GABRG1: variants seen among roughly 807,000 people sequenced by gnomAD.
GABRG1 encodes the protein gamma-aminobutyric acid receptor subunit gamma-1.
In GABRG1, 49 loss-of-function variants were observed where a neutral mutation model predicts 49.8. The observed-to-expected ratio is 0.98, with a 90% confidence interval of 0.78 to 1.25. The LOEUF (loss-of-function observed/expected upper bound fraction) is 1.25, where lower values mean the gene tolerates loss of function less well. GABRG1 is among the 50% of genes most tolerant of loss of function. The pLI, the probability that GABRG1 is intolerant of heterozygous loss-of-function variation, is 0.00. For synonymous variants in GABRG1, 232 were observed against 185.1 expected (o/e 1.25, Z -2.06); for missense variants, 552 against 552.3 (o/e 1.00, Z 0.01).
chr4:46,065,668 A>G (rs1718888377), intron 3 of GABRG1, 84 bp from the exon 4 acceptor site: 2 of 663,328 alleles, frequency 3.0e-6, no homozygotes, highest in African/African-American at 3.7e-5. Context: ...TTGTATTGTA[A>G]AGTTTCTGCA....
intron 5 of GABRG1, among the ~76,000 whole-genome samples, chr4:46,062,164 A>C (rs1380860611): frequency 6.6e-6 from 1 of 151,550 alleles, no homozygotes; most frequent in Non-Finnish European, 1.5e-5. Context: ...ACTGAGAATG[A>C]TGATTTCCAA....
chr4:46,112,518 A>T (rs1165364755), intron 1 of GABRG1, among the ~76,000 whole-genome samples: 1 of 151,268 alleles, frequency 6.6e-6, no homozygotes. Context: ...AATTCTACCA[A>T]AAAGACACAT....
chr4:46,084,379 G>A (rs555798715), intron 2 of GABRG1, among the ~76,000 whole-genome samples: 1 of 151,458 alleles, frequency 6.6e-6, no homozygotes, highest in African/African-American at 2.4e-5. Flanking sequence ...TTTCCTATAT[G>A]ACCGAGTACT....
intron 3 of GABRG1, among the ~76,000 whole-genome samples, chr4:46,075,295 CA>C (rs1719285550): frequency 6.6e-6 from 1 of 151,968 alleles, no homozygotes; most frequent in Non-Finnish European, 1.5e-5. Flanking sequence ...TAAGCACTTT[CA>C]AAATTCTTTT....
chr4:46,058,231 G>C lies in GABRG1; in HGVS notation c.902C>G (p.Ala301Gly). ...ACATGTCATACCCAACGATGTTCTT[G>C]CAGGCACTGCATCTTTATTGATCCA... ...SFWINKDAVP[A>G]RTSLGITTVL... The change falls in exon 7 of 9, where the codon GCA becomes GGA. Residue 301 changes from alanine (A) to glycine (G), a missense_variant. By Grantham distance (60) the Ala-to-Gly change is moderately conservative (BLOSUM62 0). Transcript: ENST00000295452. 1 of 1,611,744 alleles carries C rather than the reference G, an allele frequency of 6.2e-7. No homozygotes were observed. Among genetic ancestry groups the C allele is most frequent in the Non-Finnish European group, 8.5e-7 (1 of 1,179,044 alleles).
intron 5 of GABRG1, among the ~76,000 whole-genome samples, chr4:46,062,403 G>T (rs533606543): frequency 1.8e-4 from 28 of 152,228 alleles, no homozygotes; most frequent in African/African-American, 6.5e-4. Flanking sequence ...TAATGGGAAG[G>T]CTGGGTCAAA....
intron 1 of GABRG1, among the ~76,000 whole-genome samples, chr4:46,121,363 A>G (rs543739004): frequency 2.2e-4 from 33 of 152,122 alleles, no homozygotes; most frequent in African/African-American, 7.9e-4. Flanking sequence ...TGTTACCTCC[A>G]ACTAAATATT....
chr4:46,058,641 T>C lies in GABRG1; in HGVS notation c.626-19A>G, dbSNP rs200998867. 9.4e-6 allele frequency: 15 copies of C among 1,599,090 alleles called. No homozygotes were observed. The highest frequency in any genetic ancestry group is 1.7e-5 in the Admixed American group (1 of 58,574). On this transcript the variant is annotated intron_variant, in intron 5 of 8. Transcript: ENST00000295452. ...TATCCATCTATAGAGAAAAAATACA[T>C]AGATTAGCAAGATCCAAATTTGATA... is the stretch of plus-strand genomic sequence containing the variant.
chr4:46,093,408 A>G (rs1269116638), intron 2 of GABRG1, among the ~76,000 whole-genome samples: 1 of 152,026 alleles, frequency 6.6e-6, no homozygotes, highest in East Asian at 1.9e-4. Flanking sequence ...AAATCAAAAC[A>G]ATTGAACTCA....
chr4:46,048,120 AGTTTATTACTAGTGCCTTTCG>A (rs1003539328), intron 8 of GABRG1, among the ~76,000 whole-genome samples: 2 of 152,024 alleles, frequency 1.3e-5, no homozygotes, highest in African/African-American at 4.8e-5. Context: ...GGCAAAGGCT[AGTTTATTACTAGTGCCTTTCG>A]GTTTATTACT....
In GABRG1 at chr4:46,040,922, C is replaced by T. The variant is rs1273183403; in HGVS notation, c.*66G>A. The stretch of plus-strand genomic sequence containing the variant: ...CATTTTAAATTTAAACTTCAAGTTA[C>T]TGAAGCACAAAAGATTCTACTGAAT... On this transcript the variant is annotated 3_prime_UTR_variant, in exon 9 of 9. Coordinates refer to ENST00000295452, the MANE Select transcript of GABRG1 (RefSeq NM_173536.4). 4.8e-6 allele frequency: 7 copies of T among 1,464,156 alleles called. No homozygotes were observed. The highest frequency in any genetic ancestry group is 6.5e-6 in the Non-Finnish European group (7 of 1,078,222). 90.7% of individuals were successfully genotyped at this position (1,464,156 alleles called of 1,614,324 possible). A position where few individuals can be genotyped will look rare whatever the true frequency, so the allele number is the denominator to read the frequency against.
intron 1 of GABRG1, among the ~76,000 whole-genome samples, chr4:46,121,020 T>C (rs1321931310): frequency 6.6e-6 from 1 of 151,844 alleles, no homozygotes; most frequent in African/African-American, 2.4e-5. Context: ...TAGAGAATGA[T>C]ACACAGGAAC....
At chr4:46,106,962 AATGTGAG>A (rs1720569629) in intron 1 of GABRG1, among the ~76,000 whole-genome samples, 1 of 151,242 alleles carries the variant, frequency 6.6e-6, no homozygotes, top group Non-Finnish European at 1.5e-5. Context: ...ATTTAAGGGG[AATGTGAG>A]ATGTTTAGAT....
At chr4:46,078,629 C>T (rs1179923116) in intron 3 of GABRG1, among the ~76,000 whole-genome samples, 2 of 151,876 alleles carry the variant, frequency 1.3e-5, no homozygotes, top group Admixed American at 1.3e-4. Context: ...CACCAGTTTT[C>T]TCCATATGTT....
intron 1 of GABRG1, among the ~76,000 whole-genome samples, chr4:46,116,272 TA>T (rs910339752): frequency 5.6e-4 from 84 of 150,970 alleles, no homozygotes; most frequent in African/African-American, 2.0e-3. Context: ...ATGTAATTTT[TA>T]TTATAGTCTA....
Position 46,037,228 on chromosome 4 carries a change from T to G in GABRG1, c.*3760A>C, listed in dbSNP as rs1259284901. On this transcript the variant is annotated 3_prime_UTR_variant, in exon 9 of 9. Coordinates refer to ENST00000295452, the MANE Select transcript of GABRG1 (RefSeq NM_173536.4). ...TACACAGAAAGTGCTGCATATATAT[T>G]TGAATGAGGTTACCTCACTTCCGAA... The G allele has an allele frequency of 6.6e-6, 1 of 151,866 alleles. No homozygotes were observed. Among genetic ancestry groups the G allele is most frequent in the Non-Finnish European group, 1.5e-5 (1 of 67,886 alleles). 9.4% of individuals were successfully genotyped at this position (151,866 alleles called of 1,614,324 possible).
chr4:46,069,127 T>C (rs1215004549), intron 3 of GABRG1, among the ~76,000 whole-genome samples: 1 of 152,094 alleles, frequency 6.6e-6, no homozygotes, highest in Non-Finnish European at 1.5e-5. Context: ...AAATTACCAG[T>C]TAATTCAATA....
chr4:46,039,300 T>G lies in GABRG1; in HGVS notation c.*1688A>C, dbSNP rs1386012377. 6.6e-6 allele frequency: 1 copy of G among 151,548 alleles called. No homozygotes were observed. Among genetic ancestry groups the G allele is most frequent in the East Asian group, 1.9e-4 (1 of 5,172 alleles). The allele number at this position is 151,548 out of a possible 1,614,324, so 9.4% of individuals were successfully genotyped here. ...CATTACCATTTGATTCATGCTTATT[T>G]TTTTCCAGAAGTTTATGAGCAAGTG... On this transcript the variant is annotated 3_prime_UTR_variant, in exon 9 of 9. Coordinates refer to ENST00000295452, the MANE Select transcript of GABRG1 (RefSeq NM_173536.4).
intron 3 of GABRG1, among the ~76,000 whole-genome samples, chr4:46,076,361 TCATATATATATATA>T (rs1194439735): frequency 2.6e-4 from 20 of 78,154 alleles, no homozygotes; most frequent in Non-Finnish European, 3.6e-4. Flanking sequence ...TAGGTCATGT[TCATATATATATATA>T]TATATATATA....
Sources: allele counts gnomAD v4.1 joint callset (sites outside exome capture counted in the v4.1 genomes callset), GRCh38; gene constraint gnomAD v4.1.1; transcripts MANE v1.5; gene names NCBI Gene and HGNC (gene_info 2026-07-23, HGNC 2026-07-21).